Variants in SI observed in about 807,000 individuals in gnomAD.
The protein encoded by SI is sucrase-isomaltase.
Under a neutral mutation model 253.3 loss-of-function variants are expected in SI, and 235 were observed. That is an observed-to-expected ratio of 0.93 (90% confidence interval 0.83 to 1.03). SI has a LOEUF of 1.03. Among genes scored for constraint, SI ranks in the 50% least tolerant of loss-of-function variants. The pLI is 0.00. For missense variants in SI, 2,442 were observed against 2,211.1 expected, an observed-to-expected ratio of 1.10 and a Z score of -2.09; for synonymous variants, 819 against 712.0, an observed-to-expected ratio of 1.15 and a Z score of -2.39.
At chr3:164,986,226 C>T (rs553383861) in intron 45 of SI, among the ~76,000 whole-genome samples, 246 of 152,260 alleles carry the variant, frequency 1.6e-3, no homozygotes, top group African/African-American at 5.6e-3. Flanking sequence ...CCTTCTCCTG[C>T]CCTCCTGTCT....
Position 165,009,395 on chromosome 3 carries a change from C to G in SI, c.4063G>C (p.Ala1355Pro). 6.3e-7 allele frequency: 1 copy of G among 1,584,416 alleles called. No individual in the cohort carries two copies. The highest frequency in any genetic ancestry group is 8.7e-7 in the Non-Finnish European group (1 of 1,153,282). ...GGGAAAGCTACATGAGCTCTGGAAG[C>G]CTGTAAAACCAAAATTTAGGCTCAC... ...KTLTEDEAVN[A>P]SRAHVAFPDF... Residue 1355 changes from alanine (A) to proline (P), a missense_variant and splice_region_variant, in exon 35 of 48, where the codon GCT becomes CCT. Ala to Pro is a conservative substitution (Grantham distance 27). Transcript: ENST00000264382.
chr3:164,983,471 T>C (rs6780230), intron 45 of SI, among the ~76,000 whole-genome samples: 7,347 of 152,302 alleles, frequency 0.048, 605 homozygotes, highest in African/African-American at 0.17. Flanking sequence ...ATGGTAGCAA[T>C]ACATTCTAGT....
At position 165,017,997 on chromosome 3, in the gene SI, C is replaced by T. The variant is rs1719123733; in HGVS notation, c.3493G>A (p.Val1165Ile). 2.5e-6 allele frequency: 4 copies of T among 1,611,258 alleles called. No homozygotes were observed. Among genetic ancestry groups the T allele is most frequent in the South Asian group, 1.1e-5 (1 of 91,032 alleles). ...ATTGCATTGCTGTTGAGTAAGAAAA[C>T]ACCATGAGCATTGCCCTCCTCTTCC... ...ALEEEGNAHGVFLLNSNAMDV... is the reference protein window; with the variant it reads ...ALEEEGNAHGIFLLNSNAMDV... The change falls in exon 29 of 48, where the codon GTT (valine) becomes ATT (isoleucine). Residue 1165 changes from valine to isoleucine, a missense_variant. Coordinates refer to ENST00000264382, the MANE Select transcript of SI (RefSeq NM_001041.4).
intron 3 of SI, among the ~76,000 whole-genome samples, chr3:165,069,627 A>C (rs1313069012): frequency 6.6e-6 from 1 of 152,196 alleles, no homozygotes; most frequent in Non-Finnish European, 1.5e-5. Flanking sequence ...AAAATGTGTA[A>C]GGGATTTAAT....
At chr3:164,999,205 T>C (rs1672904754) in intron 37 of SI, among the ~76,000 whole-genome samples, 1 of 151,738 alleles carries the variant, frequency 6.6e-6, no homozygotes, top group South Asian at 2.1e-4. Context: ...GTGTAGAATC[T>C]ATTGGGAGTA....
intron 4 of SI, 110 bp from the exon 5 acceptor site, chr3:165,068,941 T>C (rs575990484): frequency 3.0e-6 from 3 of 990,036 alleles, no homozygotes; most frequent in South Asian, 2.8e-5. Flanking sequence ...TTTAAATTTG[T>C]TACAATCATG....
Position 165,049,226 on chromosome 3 carries a change from A to C in SI, c.1616T>G (p.Met539Arg). Residue 539 changes from methionine to arginine, a missense_variant, in exon 15 of 48, where the codon ATG becomes AGG. Transcript: ENST00000264382. ...ATCCATGCAAATTGTTTTGGAATACATGAGTTTGTCAAGAATATCTTTGAG... is the reference window on the plus strand; with the variant it reads ...ATCCATGCAAATTGTTTTGGAATACCTGAGTTTGTCAAGAATATCTTTGAG... ...PFTPDILDKL[M>R]YSKTICMDAV... The C allele has an allele frequency of 1.2e-6, 2 of 1,602,166 alleles. No individual in the cohort carries two copies.
chr3:164,994,701 G>T (rs1387180331), intron 40 of SI, among the ~76,000 whole-genome samples: 1 of 151,612 alleles, frequency 6.6e-6, no homozygotes, highest in Non-Finnish European at 1.5e-5. Flanking sequence ...TGTCAATTAG[G>T]TGATAGTCAG....
intron 28 of SI, among the ~76,000 whole-genome samples, chr3:165,019,098 C>T (rs747680636): frequency 4.6e-5 from 7 of 151,432 alleles, no homozygotes; most frequent in South Asian, 2.1e-4. Flanking sequence ...GTTGCATTAA[C>T]GAGACAAATC....
At chr3:165,075,871 C>G (rs774047950) in intron 2 of SI, 24 bp downstream of exon 2, 1 of 1,306,820 alleles carries the variant, frequency 7.7e-7, no homozygotes, top group African/African-American at 1.4e-5. Flanking sequence ...GATAATGTAG[C>G]CATGCTTTTA....
chr3:165,037,893 A>G lies in SI; in HGVS notation c.2426+7T>C. 2.5e-6 allele frequency: 4 copies of G among 1,574,022 alleles called. No homozygotes were observed. The highest frequency in any genetic ancestry group is 3.5e-6 in the Non-Finnish European group (4 of 1,146,244). On this transcript the variant is annotated splice_region_variant and intron_variant, in intron 21 of 47. Transcript: ENST00000264382. ...TTTAGATTTCAACTAATGATTTTTC[A>G]TTTTACCTTGCTGTTGTTGTTACAT...
At chr3:164,984,486 T>G (rs1266579427) in intron 45 of SI, among the ~76,000 whole-genome samples, 1 of 152,128 alleles carries the variant, frequency 6.6e-6, no homozygotes, top group Non-Finnish European at 1.5e-5. Context: ...ATGAACAATC[T>G]TTTAAGTATA....
chr3:164,992,119 G>A, intron 43 of SI, 58 bp downstream of exon 43: 1 of 1,381,182 alleles, frequency 7.2e-7, no homozygotes, highest in Non-Finnish European at 1.0e-6. Context: ...AAAAGGCTAG[G>A]GCCAAACAAT....
At chr3:165,079,630 G>A (rs1453724920), upstream of SI, among the ~76,000 whole-genome samples, 1 of 151,544 alleles carries the variant, frequency 6.6e-6, no homozygotes, top group Non-Finnish European at 1.5e-5. Flanking sequence ...CTATTCATAT[G>A]CCACATTATT....
chr3:165,037,783 G>C (rs1712602995), intron 21 of SI, 117 bp downstream of exon 21: 2 of 727,368 alleles, frequency 2.7e-6, no homozygotes, highest in Non-Finnish European at 4.9e-6. Flanking sequence ...TATTACCTCT[G>C]TATGTCAAAT....
rs543637400 is a variant in SI at position 164,983,407 on chromosome 3, G to A, written c.5198-356C>T. On this transcript the variant is annotated intron_variant, in intron 45 of 47. Coordinates refer to ENST00000264382, the MANE Select transcript of SI (RefSeq NM_001041.4). ...ACAGAATTCAGTGATGATAGCAATC[G>A]ACACTTACTTGTCACCTTAGTGACT... 3.9e-5 allele frequency among the ~76,000 whole-genome samples: 6 copies of A among 152,248 alleles called. No individual in the cohort carries two copies. The East Asian group carries it at 5.8e-4, about 15-fold the overall frequency.
chr3:165,067,043 G>T lies in SI; in HGVS notation c.635+297C>A, dbSNP rs141077818. 4.5e-3 allele frequency among the ~76,000 whole-genome samples: 678 copies of T among 151,934 alleles called. 3 individuals carry two copies. Among genetic ancestry groups the T allele is most frequent in the African/African-American group, 0.016 (659 of 41,504 alleles). Reference sequence around the variant, plus strand: ...TGGCAACAAAATACGATAAATATAAGGGGGAAAGACACAAGAGCTATTCTA... The same window carrying T: ...TGGCAACAAAATACGATAAATATAATGGGGAAAGACACAAGAGCTATTCTA... On this transcript the variant is annotated intron_variant, in intron 6 of 47. Transcript: ENST00000264382.
intron 45 of SI, among the ~76,000 whole-genome samples, chr3:164,985,966 T>C (rs1053027615): frequency 6.6e-6 from 1 of 152,118 alleles, no homozygotes; most frequent in Non-Finnish European, 1.5e-5. Context: ...TGAGGAACAG[T>C]TATGAATGGA....
intron 6 of SI, among the ~76,000 whole-genome samples, chr3:165,067,130 G>C (rs1301036645): frequency 6.6e-6 from 1 of 151,788 alleles, no homozygotes; most frequent in Admixed American, 6.6e-5. Context: ...CTTCATCTTT[G>C]TTCAACCTTT....
Sources: gnomAD v4.1 joint callset for allele counts (sites outside exome capture counted in the v4.1 genomes callset) on GRCh38, gnomAD v4.1.1 for gene constraint, MANE v1.5 for transcripts, NCBI Gene and HGNC (gene_info 2026-07-23, HGNC 2026-07-21) for gene names.